Variants in SNX29 observed in about 807,000 individuals in gnomAD.
SNX29 encodes the protein sorting nexin 29.
SNX29 carries 78 observed loss-of-function variants against 102.1 expected under a neutral mutation model. The ratio of observed to expected loss-of-function variants is 0.76; its 90% CI spans 0.64 to 0.92. The LOEUF (loss-of-function observed/expected upper bound fraction) is 0.92, where lower values mean the gene tolerates loss of function less well. Among genes scored for constraint, SNX29 ranks in the 40% least tolerant of loss-of-function variants. SNX29 has a pLI of 0.00. For synonymous variants in SNX29, 580 were observed against 414.5 expected (o/e 1.40, Z -4.85); for missense variants, 1,280 against 1,061.7 (o/e 1.21, Z -2.86).
chr16:12,366,233 C>G (rs2082476090), intron 16 of SNX29, among the ~76,000 whole-genome samples: 1 of 152,058 alleles, frequency 6.6e-6, no homozygotes, highest in Non-Finnish European at 1.5e-5. Flanking sequence ...CACGGGGGTG[C>G]TCCGTGCTTC....
chr16:12,369,644 T>G (rs577519266), intron 16 of SNX29, among the ~76,000 whole-genome samples: 25 of 152,298 alleles, frequency 1.6e-4, no homozygotes, highest in African/African-American at 5.8e-4. Context: ...AGTGCCACCT[T>G]GTAAATCTCA....
chr16:12,212,130 A>C (rs1217826974), intron 14 of SNX29, among the ~76,000 whole-genome samples: 1 of 152,200 alleles, frequency 6.6e-6, no homozygotes, highest in Non-Finnish European at 1.5e-5. Flanking sequence ...GAGCTAGCCC[A>C]GAGACGCCTG....
intron 4 of SNX29, chr16:12,029,825 C>T (rs989062668): frequency 1.5e-5 from 5 of 341,022 alleles, no homozygotes; most frequent in African/African-American, 6.5e-5. Flanking sequence ...CTCCTGACTT[C>T]AGGTAATCTG....
At chr16:12,026,055 C>A (rs894557347) in intron 3 of SNX29, among the ~76,000 whole-genome samples, 2 of 152,062 alleles carry the variant, frequency 1.3e-5, no homozygotes, top group Admixed American at 6.6e-5. Context: ...GTGATAAACA[C>A]CTGGAGTATT....
At chr16:12,066,357 T>A (rs1364427746) in intron 9 of SNX29, among the ~76,000 whole-genome samples, 1 of 152,042 alleles carries the variant, frequency 6.6e-6, no homozygotes, top group Non-Finnish European at 1.5e-5. Flanking sequence ...CAGTCTTGGA[T>A]CCCCCTGGCT....
At chr16:12,446,002 T>C (rs558857031) in intron 18 of SNX29, among the ~76,000 whole-genome samples, 1 of 151,660 alleles carries the variant, frequency 6.6e-6, no homozygotes, top group African/African-American at 2.4e-5. Flanking sequence ...CACACCTGCT[T>C]CCATGCAGCT....
Position 12,310,518 on chromosome 16 carries a change from A to G in SNX29, c.1782+32482A>G, listed in dbSNP as rs1281729473. Among the ~76,000 whole-genome samples the G allele has an allele frequency of 2.2e-5, 3 of 137,158 alleles. No individual in the cohort carries two copies. The East Asian group carries it at 5.9e-4, about 27-fold the overall frequency. The allele number at this position is 137,158 out of a possible 152,430, so 90.0% of individuals were successfully genotyped here. A position where few individuals can be genotyped will look rare whatever the true frequency, so the allele number is the denominator to read the frequency against. ...TCTCAAAATAACTGTGTGCCAAGTGAAAAAAAAAAAAGACCATAAGGAGCA... is the reference window on the plus strand; with the variant it reads ...TCTCAAAATAACTGTGTGCCAAGTGGAAAAAAAAAAAGACCATAAGGAGCA... On this transcript the variant is annotated intron_variant, in intron 15 of 20. Coordinates refer to ENST00000566228, the MANE Select transcript of SNX29 (RefSeq NM_032167.5).
At chr16:12,317,691 G>T (rs1192072959) in intron 15 of SNX29, among the ~76,000 whole-genome samples, 1 of 152,192 alleles carries the variant, frequency 6.6e-6, no homozygotes, top group Admixed American at 6.5e-5. Flanking sequence ...CTTATGCACC[G>T]TCTTGTGCCT....
At chr16:12,563,006 G>C (rs78752349) in intron 20 of SNX29, among the ~76,000 whole-genome samples, 3 of 151,640 alleles carry the variant, frequency 2.0e-5, no homozygotes, top group Non-Finnish European at 4.4e-5. Flanking sequence ...GCTTCAATGC[G>C]CCTTTCAAAC....
intron 18 of SNX29, among the ~76,000 whole-genome samples, chr16:12,463,571 A>G (rs1167158910): frequency 6.6e-6 from 1 of 152,168 alleles, no homozygotes; most frequent in African/African-American, 2.4e-5. Flanking sequence ...TGATTCAATT[A>G]TCTCCCACCG....
chr16:12,536,456 A>G (rs1271509958), intron 20 of SNX29, among the ~76,000 whole-genome samples: 2 of 152,090 alleles, frequency 1.3e-5, no homozygotes, highest in African/African-American at 4.8e-5. Flanking sequence ...GGTTTGACTC[A>G]AGGCTATGCC....
At chr16:12,278,107 C>A in intron 15 of SNX29, 71 bp downstream of exon 15, 2 of 1,377,070 alleles carry the variant, frequency 1.5e-6, no homozygotes, top group Non-Finnish European at 2.0e-6. Context: ...AGGGTAGGTC[C>A]AGCCTATTCT....
rs556635305 is a variant in SNX29 at position 12,325,070 on chromosome 16, GC to G, written c.1783-31088del. On this transcript the variant is annotated intron_variant, in intron 15 of 20. Coordinates refer to ENST00000566228, the MANE Select transcript of SNX29 (RefSeq NM_032167.5). ...GTGAAAGACAGAAAACAATGTAACT[GC>G]CCCCAGTTTTTAACTGACTTTCCTT... Among the ~76,000 whole-genome samples the G allele has an allele frequency of 6.6e-5, 10 of 152,162 alleles. No individual in the cohort carries two copies. The East Asian group carries it at 1.9e-3, about 29-fold the overall frequency.
At chr16:12,389,606 A>G (rs2083453019) in intron 16 of SNX29, among the ~76,000 whole-genome samples, 1 of 152,184 alleles carries the variant, frequency 6.6e-6, no homozygotes. Flanking sequence ...ACAGATTAAT[A>G]CAAGAACATT....
chr16:12,565,970 T>C (rs1481997770), intron 20 of SNX29, among the ~76,000 whole-genome samples: 1 of 152,150 alleles, frequency 6.6e-6, no homozygotes, highest in Admixed American at 6.5e-5. Flanking sequence ...CACTGTGGCT[T>C]TCCAAACCTG....
At chr16:12,027,005 CT>C (rs2057209420) in intron 3 of SNX29, among the ~76,000 whole-genome samples, 2 of 152,148 alleles carry the variant, frequency 1.3e-5, no homozygotes, top group Admixed American at 6.6e-5. Flanking sequence ...TGGTTTTTAA[CT>C]TTTCCCCCCT....
chr16:12,358,294 C>T (rs2082200763), intron 16 of SNX29, among the ~76,000 whole-genome samples: 1 of 152,164 alleles, frequency 6.6e-6, no homozygotes, highest in Non-Finnish European at 1.5e-5. Flanking sequence ...CCCATAATTC[C>T]CGTAGCCCTT....
At chr16:12,048,715 G>T in intron 7 of SNX29, 95 bp downstream of exon 7, 1 of 1,597,658 alleles carries the variant, frequency 6.3e-7, no homozygotes, top group Non-Finnish European at 8.6e-7. Context: ...ATTCCAAGGG[G>T]AATGGAGTCC....
intron 5 of SNX29, among the ~76,000 whole-genome samples, chr16:12,043,503 C>T (rs1041762704): frequency 3.9e-5 from 6 of 151,908 alleles, no homozygotes; most frequent in Admixed American, 6.6e-5. Flanking sequence ...CCTAAGCGTA[C>T]GCCACCATGC....
Sources: gnomAD v4.1 joint callset for allele counts (sites outside exome capture counted in the v4.1 genomes callset) on GRCh38, gnomAD v4.1.1 for gene constraint, MANE v1.5 for transcripts, NCBI Gene and HGNC (gene_info 2026-07-23, HGNC 2026-07-21) for gene names.